Variants in IQCJ observed in about 807,000 individuals in gnomAD.
The protein encoded by IQCJ is IQ motif containing J, also known as IQ domain-containing protein J.
A neutral mutation model predicts 11.0 loss-of-function variants in IQCJ; 9 were observed. The observed-to-expected ratio is 0.82, with a 90% confidence interval of 0.49 to 1.43. IQCJ has a LOEUF of 1.43. Among genes scored for constraint, IQCJ ranks in the 40% most tolerant of loss-of-function variants. IQCJ has a pLI of 0.00. For synonymous variants in IQCJ, 55 were observed against 51.3 expected (o/e 1.07, Z -0.31); for missense variants, 146 against 133.2 (o/e 1.10, Z -0.47).
At chr3:159,192,738 G>A (rs1369730423) in intron 1 of IQCJ, among the ~76,000 whole-genome samples, 1 of 152,142 alleles carries the variant, frequency 6.6e-6, no homozygotes, top group Admixed American at 6.5e-5. Context: ...TGTGTGTCTT[G>A]GTCCTGAAGG....
intron 1 of IQCJ, among the ~76,000 whole-genome samples, chr3:159,129,941 G>C (rs1426442545): frequency 1.3e-5 from 2 of 152,132 alleles, no homozygotes. Context: ...ACAAGTGGGT[G>C]TGTGCAGATG....
intron 2 of IQCJ, among the ~76,000 whole-genome samples, 162 bp downstream of exon 2, chr3:159,246,069 T>C (rs1247228627): frequency 6.6e-6 from 1 of 152,188 alleles, no homozygotes; most frequent in Non-Finnish European, 1.5e-5. Context: ...GGTAGATAAA[T>C]GTATGACTAG....
chr3:159,153,512 A>G (rs9848481), intron 1 of IQCJ, among the ~76,000 whole-genome samples: 103,260 of 152,152 alleles, frequency 0.68, 35,755 homozygotes, highest in African/African-American at 0.81. Context: ...TTCATACTTT[A>G]TTAGACATTG....
chr3:159,078,268 C>T (rs1166388017), intron 1 of IQCJ, among the ~76,000 whole-genome samples: 1 of 151,314 alleles, frequency 6.6e-6, no homozygotes, highest in Non-Finnish European at 1.5e-5. Flanking sequence ...ACCCCTCACT[C>T]GGTCTTTTGC....
chr3:159,265,459 C>T, downstream of IQCJ: 1 of 1,375,874 alleles, frequency 7.3e-7, no homozygotes, highest in East Asian at 2.3e-5. Context: ...ACTGACTAAG[C>T]CTGTCATCAA....
Position 159,197,937 on chromosome 3 carries a change from CACAAACAA to C in IQCJ, c.10-47903_10-47896del, listed in dbSNP as rs2108057309. ...AATTTTTTTTTACTATTATAGCACA[CACAAACAA>C]ACCATGCCCATGGGCTGATGTGTTC... On this transcript the variant is annotated intron_variant, in intron 1 of 3. Coordinates refer to ENST00000397832, the MANE Select transcript of IQCJ (RefSeq NM_001042706.3). Among the ~76,000 whole-genome samples the C allele has an allele frequency of 1.3e-5, 2 of 152,066 alleles. 1 individual carries two copies. The highest frequency in any genetic ancestry group is 4.2e-4 in the South Asian group (2 of 4,798).
chr3:159,116,651 TATATATATATATATATATAC>T lies in IQCJ; in HGVS notation c.9+47212_9+47231del, dbSNP rs1441871213. Among the ~76,000 whole-genome samples, 301 of 37,316 alleles carry T rather than the reference TATATATATATATATATATAC, an allele frequency of 8.1e-3. 9 individuals carry two copies. Among genetic ancestry groups the T allele is most frequent in the African/African-American group, 0.026 (187 of 7,306 alleles). The allele number at this position is 37,316 out of a possible 152,430, so 24.5% of individuals were successfully genotyped here. A position where few individuals can be genotyped will look rare whatever the true frequency, so the allele number is the denominator to read the frequency against. On this transcript the variant is annotated intron_variant, in intron 1 of 3. Transcript: ENST00000397832. The stretch of plus-strand genomic sequence containing the variant: ...ATATATATATATATATATATATATA[TATATATATATATATATATAC>T]ACCCTTCATCTAGATTTTCTCATCT...
At chr3:159,084,688 T>C (rs978082600) in intron 1 of IQCJ, among the ~76,000 whole-genome samples, 2 of 152,106 alleles carry the variant, frequency 1.3e-5, no homozygotes, top group African/African-American at 4.8e-5. Context: ...CTCCAGAGGT[T>C]ACCTTCCCTC....
intron 1 of IQCJ, among the ~76,000 whole-genome samples, chr3:159,085,370 A>G (rs1435122263): frequency 6.6e-6 from 1 of 152,150 alleles, no homozygotes; most frequent in African/African-American, 2.4e-5. Context: ...TAATGCCACA[A>G]TAAACATACA....
chr3:159,095,299 T>C (rs1206589286), intron 1 of IQCJ, among the ~76,000 whole-genome samples: 1 of 151,844 alleles, frequency 6.6e-6, no homozygotes, highest in African/African-American at 2.4e-5. Flanking sequence ...GTATGCTTGA[T>C]AGAGGAGCTG....
chr3:159,188,916 C>A (rs1265676487), intron 1 of IQCJ, among the ~76,000 whole-genome samples: 1 of 152,152 alleles, frequency 6.6e-6, no homozygotes, highest in South Asian at 2.1e-4. Context: ...AGCATTTATA[C>A]CTTAAACTAG....
intron 1 of IQCJ, among the ~76,000 whole-genome samples, chr3:159,174,619 C>T (rs892628334): frequency 3.3e-5 from 5 of 152,004 alleles, no homozygotes; most frequent in African/African-American, 7.2e-5. Context: ...AAATCTCTAA[C>T]GAAATCAAGA....
At chr3:159,166,649 G>A (rs1172824273) in intron 1 of IQCJ, among the ~76,000 whole-genome samples, 10 of 152,096 alleles carry the variant, frequency 6.6e-5, no homozygotes, top group East Asian at 5.8e-4. Flanking sequence ...GTGTGCATTC[G>A]GGAGCATTTA....
At chr3:159,184,870 T>C (rs1027084201) in intron 1 of IQCJ, among the ~76,000 whole-genome samples, 1 of 152,156 alleles carries the variant, frequency 6.6e-6, no homozygotes, top group Non-Finnish European at 1.5e-5. Context: ...GCTGAGGAAA[T>C]AGGCTCTGGA....
intron 1 of IQCJ, among the ~76,000 whole-genome samples, chr3:159,139,559 G>A (rs956540941): frequency 3.3e-5 from 5 of 152,168 alleles, no homozygotes; most frequent in African/African-American, 9.7e-5. Context: ...GTTCTGCCTG[G>A]CTAGGCTGAC....
intron 1 of IQCJ, among the ~76,000 whole-genome samples, chr3:159,236,620 C>G (rs1726608325): frequency 6.6e-6 from 1 of 152,150 alleles, no homozygotes; most frequent in Non-Finnish European, 1.5e-5. Context: ...CCAGTTGTCA[C>G]CAGGGAGCAT....
intron 1 of IQCJ, among the ~76,000 whole-genome samples, chr3:159,188,410 CAAAACA>C (rs201773654): frequency 0.019 from 2,862 of 152,076 alleles, 91 homozygotes; most frequent in African/African-American, 0.066. Context: ...AACTCTATCT[CAAAACA>C]AAAACAAAAA....
At chr3:159,103,144 C>T (rs1371574503) in intron 1 of IQCJ, among the ~76,000 whole-genome samples, 1 of 152,144 alleles carries the variant, frequency 6.6e-6, no homozygotes, top group Non-Finnish European at 1.5e-5. Context: ...GAAAATTATC[C>T]ACTTTCATTC....
intron 1 of IQCJ, among the ~76,000 whole-genome samples, chr3:159,184,203 C>A (rs1278962822): frequency 6.6e-6 from 1 of 152,020 alleles, no homozygotes; most frequent in Admixed American, 6.6e-5. Context: ...GTTATGTTTG[C>A]CTTCTTTATA....
Sources: allele counts gnomAD v4.1 joint callset (sites outside exome capture counted in the v4.1 genomes callset), GRCh38; gene constraint gnomAD v4.1.1; transcripts MANE v1.5; gene names NCBI Gene and HGNC (gene_info 2026-07-23, HGNC 2026-07-21).